The following CLDN19 variants were observed in gnomAD, a reference collection of about 807,000 sequenced individuals.
The protein encoded by CLDN19 is claudin 19, also known as claudin-19.
A neutral mutation model predicts 24.5 loss-of-function variants in CLDN19; 19 were observed. That is an observed-to-expected ratio of 0.78 (90% CI 0.54 to 1.14). The LOEUF is 1.14. Among genes scored for constraint, CLDN19 ranks in the 50% most tolerant of loss-of-function variants. The pLI is 0.00. For missense variants in CLDN19, 250 were observed against 295.9 expected, an observed-to-expected ratio of 0.84 and a Z score of 1.14; for synonymous variants, 117 against 129.6, an observed-to-expected ratio of 0.90 and a Z score of 0.66.
intron 1 of CLDN19, 75 bp downstream of exon 1, chr1:42,739,766 C>A: frequency 1.6e-6 from 2 of 1,245,326 alleles, no homozygotes; most frequent in Admixed American, 1.8e-5. Context: ...AGATAGCAGA[C>A]TGTGAGGAAA....
rs1033106967 is a variant in CLDN19, at chr1:42,739,958, C to T, written c.106G>A (p.Ala36Thr). Residue 36 changes from alanine to threonine, a missense_variant, in exon 1 of 5, where the codon GCA becomes ACA. Transcript: ENST00000296387. ...ACGGCAGTGATGATGGCGTCGCCTGCGTAGGAAGACTGCTTCCACTGTGGC... is the reference window on the plus strand; with the variant it reads ...ACGGCAGTGATGATGGCGTCGCCTGTGTAGGAAGACTGCTTCCACTGTGGC... ...ALPQWKQSSY[A>T]GDAIITAVGL... is the part of the protein sequence containing the mutation. 8 of 1,603,506 alleles carry T rather than the reference C, an allele frequency of 5.0e-6. No individual in the cohort carries two copies. The highest frequency in any genetic ancestry group is 2.7e-5 in the African/African-American group (2 of 74,682).
chr1:42,738,613 G>C (rs756310949), intron 1 of CLDN19, 28 bp from the exon 2 acceptor site: 2 of 1,606,536 alleles, frequency 1.2e-6, no homozygotes, highest in South Asian at 1.1e-5. Flanking sequence ...ACACTGAGTC[G>C]GGCTGGCGGG....
intron 1 of CLDN19, 54 bp from the exon 2 acceptor site, chr1:42,738,639 G>C: frequency 1.3e-6 from 2 of 1,572,174 alleles, no homozygotes; most frequent in Non-Finnish European, 1.7e-6. Context: ...GGGTTGGGTC[G>C]GTGCCTGGGG....
rs959681582 is a variant in CLDN19 at position 42,734,937 on chromosome 1, C to T, written c.*149G>A. 1 of 706,512 alleles carries T rather than the reference C, an allele frequency of 1.4e-6. No homozygotes were observed. Among genetic ancestry groups the T allele is most frequent in the Non-Finnish European group, 2.5e-6 (1 of 395,772 alleles). The allele number at this position is 706,512 out of a possible 1,614,324, so 43.8% of individuals were successfully genotyped here. On this transcript the variant is annotated 3_prime_UTR_variant, in exon 5 of 5. Transcript: ENST00000296387. ...CAAGAGCCCCAGGGGTCAGCACTGA[C>T]CACTCTGACACAGGCCCCGTCCAAG...
intron 1 of CLDN19, 48 bp from the exon 2 acceptor site, chr1:42,738,633 T>TGGGTCGGTGCCTG (rs754808296): frequency 6.3e-7 from 1 of 1,589,714 alleles, no homozygotes; most frequent in Non-Finnish European, 8.6e-7. Flanking sequence ...GGATGGGGGT[T>TGGGTCGGTGCCTG]GGGTCGGTGC....
chr1:42,735,333 C>A (rs1570441964), intron 4 of CLDN19, 199 bp from the exon 5 acceptor site: 3 of 1,457,962 alleles, frequency 2.1e-6, no homozygotes, highest in Non-Finnish European at 2.7e-6. Context: ...GCCCCCAGCC[C>A]TGGGCGCACT....
Position 42,738,177 on chromosome 1 carries a change from G to T in CLDN19, c.473+52C>A. ...CCCGCCAGGTGATCCAGTGGACAAAGGTCAGTGGCCCCAGAGGAGGTAAAG... is the reference window on the plus strand; with the variant it reads ...CCCGCCAGGTGATCCAGTGGACAAATGTCAGTGGCCCCAGAGGAGGTAAAG... On this transcript the variant is annotated intron_variant, in intron 3 of 4. Transcript: ENST00000296387. 2.1e-6 allele frequency: 3 copies of T among 1,398,998 alleles called. No homozygotes were observed. In the South Asian group the frequency reaches 3.5e-5, roughly 16 times the overall value. The allele number at this position is 1,398,998 out of a possible 1,614,324, so 86.7% of individuals were successfully genotyped here. A position where few individuals can be genotyped will look rare whatever the true frequency, so the allele number is the denominator to read the frequency against.
At chr1:42,738,152 C>T in intron 3 of CLDN19, 77 bp downstream of exon 3, 2 of 1,216,578 alleles carry the variant, frequency 1.6e-6, no homozygotes, top group Non-Finnish European at 2.4e-6. Flanking sequence ...CCCCACTTCC[C>T]CCGCCAGGTG....
intron 4 of CLDN19, 84 bp from the exon 5 acceptor site, chr1:42,735,218 G>A (rs1387097409): frequency 6.3e-6 from 10 of 1,595,494 alleles, no homozygotes; most frequent in Non-Finnish European, 6.8e-6. Flanking sequence ...CCCGGACATG[G>A]GTACTGGCCA....
intron 2 of CLDN19, 35 bp from the exon 3 acceptor site, chr1:42,738,348 C>G (rs1015338399): frequency 6.2e-7 from 1 of 1,612,016 alleles, no homozygotes; most frequent in African/African-American, 1.3e-5. Context: ...CAGCTCTGCT[C>G]TGGCCCCCCG....
rs975570219 is a variant in CLDN19, at chr1:42,738,106, C to T, written c.473+123G>A. Reference sequence around the variant, plus strand: ...CCCCACCACACTCCTCCTGGCGCCCCCCTTTAAAGCTTCTTGGACAGCAGC... The same window carrying T: ...CCCCACCACACTCCTCCTGGCGCCCTCCTTTAAAGCTTCTTGGACAGCAGC... On this transcript the variant is annotated intron_variant, in intron 3 of 4. Transcript: ENST00000296387. 8 of 896,924 alleles carry T rather than the reference C, an allele frequency of 8.9e-6. No individual in the cohort carries two copies. The African/African-American group carries it at 1.3e-4, about 15-fold the overall frequency. 55.6% of individuals were successfully genotyped at this position (896,924 alleles called of 1,614,324 possible).
At chr1:42,737,903 G>A (rs1426442810) in intron 3 of CLDN19, among the ~76,000 whole-genome samples, 5 of 152,034 alleles carry the variant, frequency 3.3e-5, no homozygotes, top group Non-Finnish European at 2.9e-5. Flanking sequence ...GGCTGGTCTT[G>A]AACTCCTGAC....
Position 42,739,992 on chromosome 1 carries a change from G to T in CLDN19, c.72C>A (p.Ser24Arg). ...ALGGWVGIIA[S>R]TALPQWKQSS... ...ACTGCTTCCACTGTGGCAGGGCTGT[G>T]CTAGCAATGATGCCCACCCAGCCAC... Residue 24 changes from serine (S) to arginine (R), a missense_variant, in exon 1 of 5, where the codon AGC (serine) becomes AGA (arginine). Coordinates refer to ENST00000296387, the MANE Select transcript of CLDN19 (RefSeq NM_148960.3). 6.3e-7 allele frequency: 1 copy of T among 1,586,190 alleles called. No individual in the cohort carries two copies. The highest frequency in any genetic ancestry group is 8.6e-7 in the Non-Finnish European group (1 of 1,166,124).
Position 42,738,510 on chromosome 1 carries a change from A to ACT in CLDN19, c.297_298dup (p.Val100GlufsTer4). On this transcript the variant is annotated frameshift_variant, in exon 2 of 5. Transcript: ENST00000296387. LOFTEE classifies it high-confidence loss of function. ...TCCCACCCGCGTACACTTCATGCCA[A>ACT]CTACGCTGAGGACCATGGCCACGAA... The ACT allele has an allele frequency of 6.2e-7, 1 of 1,614,016 alleles. No individual in the cohort carries two copies. The highest frequency in any genetic ancestry group is 8.5e-7 in the Non-Finnish European group (1 of 1,180,024).
intron 4 of CLDN19, chr1:42,735,403 C>T (rs1295063346): frequency 1.5e-5 from 22 of 1,423,318 alleles, no homozygotes; most frequent in Middle Eastern, 2.6e-4. Flanking sequence ...TTCAGCATCC[C>T]GGCACTGCCC....
At position 42,735,971 on chromosome 1, in the gene CLDN19, C is replaced by T; in HGVS notation, c.533G>A (p.Gly178Asp). Residue 178 changes from glycine to aspartate, a missense_variant, in exon 4 of 5, where the codon GGC (glycine) becomes GAC (aspartate). By Grantham distance (94) the Gly-to-Asp change is moderately conservative. Coordinates refer to ENST00000296387, the MANE Select transcript of CLDN19 (RefSeq NM_148960.3). Reference sequence around the variant, plus strand: ...GCATGTGCAGCAGAGGAAGGAGCCGCCCAGCACGGCCAGGCCAGCTGAGGC... The same window carrying T: ...GCATGTGCAGCAGAGGAAGGAGCCGTCCAGCACGGCCAGGCCAGCTGAGGC... The part of the protein sequence containing the change: ...GWASAGLAVL[G>D]GSFLCCTCPE... 1.9e-6 allele frequency: 3 copies of T among 1,575,152 alleles called. No individual in the cohort carries two copies. Among genetic ancestry groups the T allele is most frequent in the Non-Finnish European group, 2.6e-6 (3 of 1,160,938 alleles).
chr1:42,735,961 G>T lies in CLDN19; in HGVS notation c.543C>A (p.Phe181Leu). The T allele has an allele frequency of 6.3e-7, 1 of 1,576,738 alleles. No individual in the cohort carries two copies. Among genetic ancestry groups the T allele is most frequent in the Non-Finnish European group, 8.6e-7 (1 of 1,161,520 alleles). ...CTGGCTCCGGGCATGTGCAGCAGAG[G>T]AAGGAGCCGCCCAGCACGGCCAGGC... ...SAGLAVLGGS[F>L]LCCTCPEPER... Residue 181 changes from phenylalanine (F) to leucine (L), a missense_variant, in exon 4 of 5, where the codon TTC becomes TTA. By Grantham distance (22) the Phe-to-Leu change is conservative. Transcript: ENST00000296387.
In CLDN19 at chr1:42,740,040, G is replaced by A. The variant is rs1651500767; in HGVS notation, c.24C>T (p.Leu8=). 1 of 1,558,280 alleles carries A rather than the reference G, an allele frequency of 6.4e-7. No homozygotes were observed. The highest frequency in any genetic ancestry group is 2.4e-5 in the East Asian group (1 of 41,546). The change falls in exon 1 of 5, where the codon CTC becomes CTT. Residue 8 remains leucine (L), a synonymous_variant. Coordinates refer to ENST00000296387, the MANE Select transcript of CLDN19 (RefSeq NM_148960.3). ...CACCCAGGGCCAAGAAGTAGCCCAG[G>A]AGCTGGAGGCCTGAGTTGGCCATGG... The part of the protein sequence containing the change: MANSGLQ[L]LGYFLALGGW...
chr1:42,740,019 C>T lies in CLDN19; in HGVS notation c.45G>A (p.Leu15=), dbSNP rs139675253. The part of the protein sequence containing the change: ...GLQLLGYFLA[L]GGWVGIIAST... ...TAGCAATGATGCCCACCCAGCCACCCAGGGCCAAGAAGTAGCCCAGGAGCT... is the reference window on the plus strand; with the variant it reads ...TAGCAATGATGCCCACCCAGCCACCTAGGGCCAAGAAGTAGCCCAGGAGCT... Residue 15 remains leucine (L), a synonymous_variant, in exon 1 of 5, where the codon CTG becomes CTA. Transcript: ENST00000296387. 8.3e-6 allele frequency: 13 copies of T among 1,569,750 alleles called. No individual in the cohort carries two copies. The highest frequency in any genetic ancestry group is 4.7e-5 in the East Asian group (2 of 42,326).
Sources: allele counts gnomAD v4.1 joint callset (sites outside exome capture counted in the v4.1 genomes callset), GRCh38; gene constraint gnomAD v4.1.1; transcripts MANE v1.5; gene names NCBI Gene and HGNC (gene_info 2026-07-23, HGNC 2026-07-21).